Variants in LYRM4 observed in about 807,000 individuals in gnomAD.
The protein encoded by LYRM4 is LYR motif-containing protein 4.
LYRM4 carries 9 observed loss-of-function variants against 11.7 expected under a neutral mutation model. The observed-to-expected ratio is 0.77, with a 90% CI of 0.46 to 1.34. The LOEUF is 1.34. LYRM4 is among the 40% of genes most tolerant of loss of function. The pLI is 0.00. For missense variants in LYRM4, 133 were observed against 112.5 expected, an observed-to-expected ratio of 1.18 and a Z score of -0.82; for synonymous variants, 42 against 40.4, an observed-to-expected ratio of 1.04 and a Z score of -0.15.
At chr6:5,205,482 T>C (rs1761643224) in intron 2 of LYRM4, among the ~76,000 whole-genome samples, 1 of 150,368 alleles carries the variant, frequency 6.7e-6, no homozygotes, top group African/African-American at 2.5e-5. Context: ...AGCAAGCCAT[T>C]TTCCGAGTGG....
intron 2 of LYRM4, among the ~76,000 whole-genome samples, chr6:5,167,779 A>G (rs777912754): frequency 1.3e-5 from 2 of 152,212 alleles, no homozygotes; most frequent in Non-Finnish European, 2.9e-5. Flanking sequence ...ATCCATTTCT[A>G]GAGAAATACA....
chr6:5,124,305 T>C (rs1041544878), intron 2 of LYRM4, among the ~76,000 whole-genome samples: 3 of 152,200 alleles, frequency 2.0e-5, no homozygotes, highest in African/African-American at 4.8e-5. Context: ...CTGCCCCCGC[T>C]GCTCTGTCTC....
intron 1 of LYRM4, among the ~76,000 whole-genome samples, chr6:5,247,175 CTCAAGTT>C (rs1423162832): frequency 6.9e-6 from 1 of 145,846 alleles, no homozygotes; most frequent in African/African-American, 2.8e-5. Flanking sequence ...GGGAATTTAC[CTCAAGTT>C]TCAAGTTTGA....
chr6:5,039,856 A>C, the LYRM4 span, among the ~76,000 whole-genome samples: 134 of 152,362 alleles, frequency 8.8e-4, no homozygotes, highest in African/African-American at 3.1e-3. Flanking sequence ...GTAAAGACTT[A>C]ATATAAAGCT....
chr6:5,147,111 C>T (rs955017022), intron 2 of LYRM4, among the ~76,000 whole-genome samples: 35 of 152,138 alleles, frequency 2.3e-4, no homozygotes, highest in African/African-American at 7.5e-4. Flanking sequence ...TTGAGTAGAA[C>T]TGGGATTTAT....
At chr6:5,147,157 C>T (rs1409540416) in intron 2 of LYRM4, among the ~76,000 whole-genome samples, 2 of 152,122 alleles carry the variant, frequency 1.3e-5, no homozygotes, top group Non-Finnish European at 2.9e-5. Flanking sequence ...CACAGGTAAG[C>T]TTTGCTGTGA....
At chr6:5,036,056 T>G in the LYRM4 span, among the ~76,000 whole-genome samples, 1 of 74,314 alleles carries the variant, frequency 1.3e-5, no homozygotes, top group Non-Finnish European at 3.5e-5. Context: ...AAGTTCCTTG[T>G]GTCATGAATT....
intron 2 of LYRM4, among the ~76,000 whole-genome samples, chr6:5,157,477 TG>T (rs763217994): frequency 1.3e-5 from 2 of 150,546 alleles, no homozygotes; most frequent in African/African-American, 2.5e-5. Context: ...GCATGAGCCC[TG>T]CAAACAGGAA....
intron 1 of LYRM4, among the ~76,000 whole-genome samples, chr6:5,219,364 T>C (rs1762452690): frequency 6.6e-6 from 1 of 152,216 alleles, no homozygotes; most frequent in Non-Finnish European, 1.5e-5. Context: ...CTCTAGATCT[T>C]GGAATTAAAT....
At chr6:5,073,197 A>C in the LYRM4 span, among the ~76,000 whole-genome samples, 11 of 151,998 alleles carry the variant, frequency 7.2e-5, no homozygotes, top group Non-Finnish European at 1.0e-4. Context: ...CCTAGCCAAC[A>C]TCTCTACTTA....
chr6:5,061,364 G>GTTTCACAATAGCAAAACGATGA, the LYRM4 span, among the ~76,000 whole-genome samples: 10 of 152,230 alleles, frequency 6.6e-5, no homozygotes, highest in Non-Finnish European at 1.5e-4. Flanking sequence ...TGCCACCTTT[G>GTTTCACAATAGCAAAACGATGA]TTTCACAATA....
At chr6:5,157,850 G>C (rs1758506907) in intron 2 of LYRM4, among the ~76,000 whole-genome samples, 1 of 152,198 alleles carries the variant, frequency 6.6e-6, no homozygotes, top group South Asian at 2.1e-4. Flanking sequence ...ACATGAATTG[G>C]ATTTTCATCA....
Position 5,108,731 on chromosome 6 carries a change from A to G in LYRM4, c.*692T>C, listed in dbSNP as rs467373. 0.19 allele frequency: 180,371 copies of G among 950,068 alleles called. 18,294 individuals are homozygous for G. The highest frequency in any genetic ancestry group is 0.31 in the African/African-American group (17,790 of 56,490). The allele number at this position is 950,068 out of a possible 1,614,324, so 58.9% of individuals were successfully genotyped here. A position where few individuals can be genotyped will look rare whatever the true frequency, so the allele number is the denominator to read the frequency against. ...TCAGGCTGGGGCTCTCTCATTCACCAGGTGTGGGGAGGGGCTTGAGCCTGC... is the reference window on the plus strand; with the variant it reads ...TCAGGCTGGGGCTCTCTCATTCACCGGGTGTGGGGAGGGGCTTGAGCCTGC... On this transcript the variant is annotated 3_prime_UTR_variant, in exon 3 of 3. Transcript: ENST00000330636.
chr6:5,094,002 G>C, the LYRM4 span, among the ~76,000 whole-genome samples: 1 of 152,198 alleles, frequency 6.6e-6, no homozygotes, highest in Non-Finnish European at 1.5e-5. Flanking sequence ...GTTGGTTCTT[G>C]GGACTTGGGC....
chr6:5,159,853 C>T (rs1311435079), intron 2 of LYRM4, among the ~76,000 whole-genome samples: 1 of 152,242 alleles, frequency 6.6e-6, no homozygotes, highest in African/African-American at 2.4e-5. Context: ...CCTCTTGACA[C>T]ATGTGCACTG....
the LYRM4 span, among the ~76,000 whole-genome samples, chr6:5,057,040 T>C: frequency 6.6e-6 from 1 of 152,324 alleles, no homozygotes; most frequent in Admixed American, 6.5e-5. Flanking sequence ...ATTATTTTTA[T>C]TGGTTTATCT....
chr6:5,195,476 C>A (rs562865327), intron 2 of LYRM4, among the ~76,000 whole-genome samples: 21 of 151,916 alleles, frequency 1.4e-4, no homozygotes, highest in Admixed American at 1.2e-3. Context: ...ACAAAAAAAA[C>A]CCCGACAATT....
the LYRM4 span, among the ~76,000 whole-genome samples, chr6:5,046,977 G>C: frequency 6.6e-6 from 1 of 152,152 alleles, no homozygotes; most frequent in Non-Finnish European, 1.5e-5. Context: ...TGTGGTCTCA[G>C]CTACTTGGGA....
downstream of LYRM4, among the ~76,000 whole-genome samples, chr6:5,100,647 G>T (rs1459875329): frequency 6.6e-6 from 1 of 152,278 alleles, no homozygotes; most frequent in South Asian, 2.1e-4. Context: ...GGGATCAAAA[G>T]GGGTTCCTGT....
Sources: gnomAD v4.1 joint callset for allele counts (sites outside exome capture counted in the v4.1 genomes callset) on GRCh38, gnomAD v4.1.1 for gene constraint, MANE v1.5 for transcripts, NCBI Gene and HGNC (gene_info 2026-07-23, HGNC 2026-07-21) for gene names.